Variants in MKRN1 observed in about 807,000 individuals in gnomAD.
MKRN1 encodes the protein makorin ring finger protein 1.
A neutral mutation model predicts 55.5 loss-of-function variants in MKRN1; 9 were observed. That is an observed-to-expected ratio of 0.16 (90% CI 0.10 to 0.28). The LOEUF (loss-of-function observed/expected upper bound fraction) is 0.28. Among genes scored for constraint, MKRN1 ranks in the 10% least tolerant of loss-of-function variants. The pLI, the probability that MKRN1 is intolerant of heterozygous loss-of-function variation, is 1.00. For synonymous variants in MKRN1, 253 were observed against 235.9 expected, an observed-to-expected ratio of 1.07 and a Z score of -0.66; for missense variants, 488 against 626.7, an observed-to-expected ratio of 0.78 and a Z score of 2.36.
intron 2 of MKRN1, among the ~76,000 whole-genome samples, chr7:140,471,143 G>A (rs1429541475): frequency 6.6e-6 from 1 of 152,184 alleles, no homozygotes; most frequent in African/African-American, 2.4e-5. Flanking sequence ...AACACTTTTC[G>A]GAGGCCAAGG....
chr7:140,477,320 CTTTT>C (rs1479046765), intron 1 of MKRN1, among the ~76,000 whole-genome samples: 9 of 131,766 alleles, frequency 6.8e-5, no homozygotes, highest in African/African-American at 3.3e-4. Context: ...TCTTTTCTTT[CTTTT>C]TCTTTTTTGT....
At chr7:140,477,959 T>C (rs7795146) in intron 1 of MKRN1, among the ~76,000 whole-genome samples, 4,620 of 152,310 alleles carry the variant, frequency 0.03, 241 homozygotes, top group African/African-American at 0.1. Context: ...GTTTATGCTT[T>C]CTACATCCCA....
intron 7 of MKRN1, 28 bp downstream of exon 7, chr7:140,455,067 C>T (rs751132552): frequency 8.1e-6 from 13 of 1,611,404 alleles, no homozygotes; most frequent in Non-Finnish European, 1.0e-5. Flanking sequence ...TGGAATTTCC[C>T]CTCCTTTAAA....
intron 1 of MKRN1, chr7:140,475,365 A>C: frequency 2.8e-6 from 1 of 352,866 alleles, no homozygotes; most frequent in Non-Finnish European, 5.6e-6. Context: ...AACAAACAAA[A>C]CACAACTTTC....
intron 2 of MKRN1, among the ~76,000 whole-genome samples, chr7:140,469,064 C>A (rs148397521): frequency 5.9e-5 from 9 of 152,218 alleles, no homozygotes; most frequent in Middle Eastern, 3.4e-3. Context: ...CAGTGGCTCA[C>A]GCCTGTAATC....
chr7:140,463,788 G>C (rs1794692082), intron 2 of MKRN1, among the ~76,000 whole-genome samples: 1 of 152,090 alleles, frequency 6.6e-6, no homozygotes, highest in Non-Finnish European at 1.5e-5. Context: ...GGGAGGCTGA[G>C]GGAGGAGAAT....
intron 7 of MKRN1, 49 bp from the exon 8 acceptor site, chr7:140,454,778 T>G: frequency 6.4e-7 from 1 of 1,572,402 alleles, no homozygotes. Flanking sequence ...AGCAGTATCT[T>G]CTATCCTGTT....
intron 1 of MKRN1, chr7:140,473,342 A>G (rs1480971454): frequency 7.3e-6 from 3 of 409,402 alleles, no homozygotes; most frequent in East Asian, 7.6e-5. Flanking sequence ...ACTGTGCAGT[A>G]AAAGACAAAA....
At position 140,456,746 on chromosome 7, in the gene MKRN1, G is replaced by A. The variant is rs746447217; in HGVS notation, c.892C>T (p.Arg298Cys). Residue 298 changes from arginine (R) to cysteine (C), a missense_variant, in exon 5 of 8, where the codon CGC (arginine) becomes TGC (cysteine). Physicochemically the swap from Arg to Cys is radical, Grantham distance 180. Transcript: ENST00000255977. ...VYEKANPSER[R>C]FGILSNCNHT... ...TTGCAGTTGGAGAGGATCCCGAAGCGGCGCTCACTGGGGTTGGCTTTCTCA... is the reference window on the plus strand; with the variant it reads ...TTGCAGTTGGAGAGGATCCCGAAGCAGCGCTCACTGGGGTTGGCTTTCTCA... 4.3e-6 allele frequency: 7 copies of A among 1,613,866 alleles called. No individual in the cohort carries two copies. The highest frequency in any genetic ancestry group is 3.3e-5 in the Admixed American group (2 of 59,960).
chr7:140,476,091 T>C (rs1459834937), intron 1 of MKRN1, among the ~76,000 whole-genome samples: 2 of 152,024 alleles, frequency 1.3e-5, no homozygotes, highest in Non-Finnish European at 2.9e-5. Context: ...GTGAAGAAAA[T>C]AGCTTTAGTC....
intron 2 of MKRN1, among the ~76,000 whole-genome samples, chr7:140,463,870 C>A (rs1162766826): frequency 3.3e-5 from 5 of 151,644 alleles, no homozygotes; most frequent in Admixed American, 2.0e-4. Context: ...GCCTGGGCGA[C>A]AGAGCAAGAC....
At chr7:140,457,942 C>T (rs1794513558) in intron 4 of MKRN1, among the ~76,000 whole-genome samples, 1 of 151,990 alleles carries the variant, frequency 6.6e-6, no homozygotes, top group South Asian at 2.1e-4. Context: ...TGCCTCACAC[C>T]CTAAAACCAC....
Position 140,472,030 on chromosome 7 carries a change from C to G in MKRN1, c.186-19G>C, listed in dbSNP as rs1476959578. 1 of 1,613,492 alleles carries G rather than the reference C, an allele frequency of 6.2e-7. No homozygotes were observed. The highest frequency in any genetic ancestry group is 8.5e-7 in the Non-Finnish European group (1 of 1,179,868). On this transcript the variant is annotated intron_variant, in intron 1 of 7. Transcript: ENST00000255977. ...AAAATACCTGTGAGACGAAAGACCA[C>G]AAAACTGGATTAAAACCAATCCTTG...
upstream of MKRN1, chr7:140,479,525 C>G (rs1795230977): frequency 6.8e-6 from 4 of 589,666 alleles, no homozygotes; most frequent in Non-Finnish European, 1.0e-5. Context: ...ACTGCGGGCC[C>G]AGAGCATGCG....
At chr7:140,471,008 T>C (rs1337555475) in intron 2 of MKRN1, among the ~76,000 whole-genome samples, 1 of 152,136 alleles carries the variant, frequency 6.6e-6, no homozygotes, top group Non-Finnish European at 1.5e-5. Context: ...GTCTCTGAGA[T>C]AGAACCATCC....
intron 3 of MKRN1, 81 bp from the exon 4 acceptor site, chr7:140,459,314 A>G (rs1794552538): frequency 7.2e-7 from 1 of 1,392,224 alleles, no homozygotes; most frequent in Non-Finnish European, 1.0e-6. Flanking sequence ...AACCGCAAAA[A>G]ATGAAAATAA....
chr7:140,459,287 AAG>A (rs1794551993), intron 3 of MKRN1, 54 bp from the exon 4 acceptor site: 3 of 1,552,744 alleles, frequency 1.9e-6, no homozygotes, highest in South Asian at 2.2e-5. Context: ...CATGAACTAT[AAG>A]AGAACTGAGA....
Position 140,459,841 on chromosome 7 carries a change from A to G in MKRN1, c.410T>C (p.Ile137Thr), listed in dbSNP as rs1481448642. The G allele has an allele frequency of 6.2e-7, 1 of 1,613,884 alleles. No individual in the cohort carries two copies. The highest frequency in any genetic ancestry group is 8.5e-7 in the Non-Finnish European group (1 of 1,179,882). The change falls in exon 3 of 8, where the codon ATA (isoleucine) becomes ACA (threonine). Residue 137 changes from isoleucine (I) to threonine (T), a missense_variant. By Grantham distance (89) the Ile-to-Thr change is moderately conservative (BLOSUM62 -1). Transcript: ENST00000255977. ...SLAASSSLSS[I>T]VGPLVEMNTG... ...ATTCATTTCAACAAGTGGTCCAACT[A>G]TCGATGAGAGACTTGAGGAAGCAGC...
intron 1 of MKRN1, among the ~76,000 whole-genome samples, chr7:140,474,176 A>G (rs1031745091): frequency 3.3e-5 from 5 of 151,964 alleles, no homozygotes; most frequent in African/African-American, 1.2e-4. Flanking sequence ...AGCATGGCCA[A>G]CATGGTGAAA....
Sources: gnomAD v4.1 joint callset for allele counts (sites outside exome capture counted in the v4.1 genomes callset) on GRCh38, gnomAD v4.1.1 for gene constraint, MANE v1.5 for transcripts, NCBI Gene and HGNC (gene_info 2026-07-23, HGNC 2026-07-21) for gene names.